Variants in NGEF observed in about 807,000 individuals in gnomAD.
NGEF encodes ephexin-1.
Under a neutral mutation model 80.9 loss-of-function variants are expected in NGEF, and 31 were observed. That is an observed-to-expected ratio of 0.38 (90% CI 0.29 to 0.52). The LOEUF is 0.52. Ranked by LOEUF, NGEF falls within the 20% of genes least tolerant of loss-of-function variation. The pLI is 0.84. For missense variants in NGEF, 709 were observed against 926.2 expected (o/e 0.77, Z 3.04); for synonymous variants, 371 against 370.2 (o/e 1.00, Z -0.03).
chr2:232,945,417 GTGGGCTGTAAACCAATGGC>G (rs1693536852), intron 3 of NGEF, among the ~76,000 whole-genome samples: 1 of 152,188 alleles, frequency 6.6e-6, no homozygotes, highest in Non-Finnish European at 1.5e-5. Flanking sequence ...GTGGATTGGA[GTGGGCTGTAAACCAATGGC>G]TGGTGTCTTT....
chr2:232,900,613 T>TTCACTC (rs71058509), intron 5 of NGEF, among the ~76,000 whole-genome samples: 10 of 37,730 alleles, frequency 2.7e-4, no homozygotes, highest in African/African-American at 1.2e-3. Context: ...TTCACTCACA[T>TTCACTC]ACACACACGC....
intron 3 of NGEF, among the ~76,000 whole-genome samples, chr2:232,957,128 G>A (rs532776164): frequency 6.6e-6 from 1 of 152,112 alleles, no homozygotes; most frequent in East Asian, 1.9e-4. Flanking sequence ...AAGGAAGATT[G>A]AAAATTAAAA....
chr2:233,002,062 G>C (rs1694990457), intron 1 of NGEF, among the ~76,000 whole-genome samples: 1 of 152,026 alleles, frequency 6.6e-6, no homozygotes, highest in African/African-American at 2.4e-5. Flanking sequence ...AGGGACATTG[G>C]GGGCTGTGGT....
intron 2 of NGEF, 50 bp from the exon 3 acceptor site, chr2:232,970,378 T>C (rs78336991): frequency 0.11 from 137,363 of 1,217,316 alleles, 8,515 homozygotes; most frequent in Middle Eastern, 0.19. Flanking sequence ...ATCAACCCTT[T>C]TCAGGCAATT....
chr2:232,899,746 T>TCA (rs1692224448), intron 5 of NGEF, among the ~76,000 whole-genome samples: 2 of 132,672 alleles, frequency 1.5e-5, no homozygotes, highest in South Asian at 4.8e-4. Context: ...TCACATTCAC[T>TCA]TACACACGTG....
intron 3 of NGEF, among the ~76,000 whole-genome samples, chr2:232,954,621 A>C (rs1361287137): frequency 6.6e-6 from 1 of 151,718 alleles, no homozygotes; most frequent in African/African-American, 2.4e-5. Flanking sequence ...GCTACTCGGG[A>C]GGCTGAGGCA....
At chr2:232,910,127 G>A (rs1052433796) in intron 5 of NGEF, among the ~76,000 whole-genome samples, 5 of 152,112 alleles carry the variant, frequency 3.3e-5, no homozygotes, top group African/African-American at 1.2e-4. Flanking sequence ...ATTGGGGGGA[G>A]GGTTGCATCT....
At chr2:232,984,590 G>T (rs1461179529) in intron 1 of NGEF, among the ~76,000 whole-genome samples, 3 of 152,124 alleles carry the variant, frequency 2.0e-5, no homozygotes, top group African/African-American at 7.2e-5. Context: ...CAGCAAAAAA[G>T]GCCAATGACA....
chr2:232,885,482 G>A (rs1008212290), intron 9 of NGEF, 113 bp from the exon 10 acceptor site: 48 of 821,760 alleles, frequency 5.8e-5, no homozygotes, highest in Non-Finnish European at 8.9e-5. Flanking sequence ...CAGACACTGT[G>A]CCCACAGCTG....
At chr2:232,885,254 G>T in intron 10 of NGEF, 26 bp downstream of exon 10, 1 of 1,607,648 alleles carries the variant, frequency 6.2e-7, no homozygotes, top group Non-Finnish European at 8.5e-7. Context: ...CATGGGCACA[G>T]GCTCACACCA....
intron 1 of NGEF, among the ~76,000 whole-genome samples, chr2:233,002,928 G>T (rs1695010548): frequency 6.6e-6 from 1 of 152,192 alleles, no homozygotes; most frequent in Non-Finnish European, 1.5e-5. Context: ...CCCCCTGGGG[G>T]ACTCTGAGGA....
chr2:232,926,303 C>T (rs895434), intron 4 of NGEF, among the ~76,000 whole-genome samples: 1 of 151,936 alleles, frequency 6.6e-6, no homozygotes, highest in South Asian at 2.1e-4. Flanking sequence ...GGTGCCTCTC[C>T]TGACGACATG....
At chr2:232,948,297 C>T (rs750407238) in intron 3 of NGEF, among the ~76,000 whole-genome samples, 1 of 152,066 alleles carries the variant, frequency 6.6e-6, no homozygotes, top group Non-Finnish European at 1.5e-5. Flanking sequence ...AAGTGATTCT[C>T]CTGCCTCAGA....
rs572865004 is a variant in NGEF at position 232,902,723 on chromosome 2, G to A, written c.829-7807C>T. On this transcript the variant is annotated intron_variant, in intron 5 of 14. Coordinates refer to ENST00000264051, the MANE Select transcript of NGEF (RefSeq NM_019850.3). ...GTTATGTTAAAACCACAACGAGGCC[G>A]GGTGCGGTGGCTCACACCTGTAATC... Among the ~76,000 whole-genome samples the A allele has an allele frequency of 1.2e-4, 19 of 152,338 alleles. No individual in the cohort carries two copies. In the East Asian group the frequency reaches 2.3e-3, roughly 19 times the overall value.
chr2:232,944,188 C>G (rs373438901), intron 3 of NGEF, among the ~76,000 whole-genome samples: 76 of 151,904 alleles, frequency 5.0e-4, no homozygotes, highest in Non-Finnish European at 9.0e-4. Context: ...GAACTGAGAT[C>G]GCACCACTGC....
chr2:232,927,666 G>A (rs1327689030), intron 3 of NGEF, among the ~76,000 whole-genome samples: 2 of 152,072 alleles, frequency 1.3e-5, no homozygotes, highest in Non-Finnish European at 2.9e-5. Flanking sequence ...GGCGCTGGAG[G>A]AGACTCCGGG....
chr2:232,912,808 A>G (rs1216511189), intron 5 of NGEF, among the ~76,000 whole-genome samples: 1 of 152,120 alleles, frequency 6.6e-6, no homozygotes, highest in Non-Finnish European at 1.5e-5. Context: ...ATTGTTCATA[A>G]TATTTCCTTA....
At chr2:232,901,506 G>A in intron 5 of NGEF, 1 of 923,248 alleles carries the variant, frequency 1.1e-6, no homozygotes, top group Non-Finnish European at 1.3e-6. Context: ...TCGATGCGTT[G>A]TTGCAGCTGC....
intron 6 of NGEF, 30 bp from the exon 7 acceptor site, chr2:232,893,080 G>A (rs374900469): frequency 2.6e-5 from 41 of 1,600,846 alleles, no homozygotes; most frequent in Non-Finnish European, 3.2e-5. Flanking sequence ...GAGGCGGAGG[G>A]TGCCCGGGGG....
Sources: allele counts gnomAD v4.1 joint callset (sites outside exome capture counted in the v4.1 genomes callset), GRCh38; gene constraint gnomAD v4.1.1; transcripts MANE v1.5; gene names NCBI Gene and HGNC (gene_info 2026-07-23, HGNC 2026-07-21).